The following ANOS1 variants were observed in gnomAD, a reference collection of about 807,000 sequenced individuals.
ANOS1 encodes the protein anosmin-1.
A neutral mutation model predicts 59.0 loss-of-function variants in ANOS1; 6 were observed. That is an observed-to-expected ratio of 0.10 (90% CI 0.06 to 0.20). The LOEUF is 0.20. Ranked by LOEUF, ANOS1 falls within the 10% of genes least tolerant of loss-of-function variation. The pLI is 1.00. For synonymous variants in ANOS1, 217 were observed against 223.4 expected, an observed-to-expected ratio of 0.97 and a Z score of 0.25; for missense variants, 433 against 542.3, an observed-to-expected ratio of 0.80 and a Z score of 2.00.
At chrX:8,586,901 G>C (rs1930521509) in intron 5 of ANOS1, among the ~76,000 whole-genome samples, 1 of 103,022 alleles carries the variant, frequency 9.7e-6, no homozygotes, top group South Asian at 4.4e-4. Flanking sequence ...CTGCTATTTA[G>C]AAGATATTCT....
intron 2 of ANOS1, among the ~76,000 whole-genome samples, chrX:8,691,477 C>T (rs1286550874): frequency 9.0e-6 from 1 of 111,112 alleles, no homozygotes; most frequent in Non-Finnish European, 1.9e-5. Flanking sequence ...AGACAATAGA[C>T]AGATAAATGA....
intron 9 of ANOS1, among the ~76,000 whole-genome samples, chrX:8,552,843 A>G (rs949943132): frequency 9.1e-6 from 1 of 109,621 alleles, no homozygotes; most frequent in African/African-American, 3.3e-5. Context: ...ACTGTAATAT[A>G]GACATAATAT....
Position 8,536,851 on chromosome X carries a change from T to C in ANOS1, c.1541A>G (p.Glu514Gly). ...PIRPKSHSKA[E>G]AVFFTTPPCS... ...TGGTGGAGTAGTGAAGAAAACAGCT[T>C]CTGCCTTGGAGTGACTTTTTGGCCG... The change falls in exon 11 of 14, where the codon GAA becomes GGA. Residue 514 changes from glutamate (E) to glycine (G), a missense_variant. By Grantham distance (98) the Glu-to-Gly change is moderately conservative. Coordinates refer to ENST00000262648, the MANE Select transcript of ANOS1 (RefSeq NM_000216.4). 8.3e-7 allele frequency: 1 copy of C among 1,208,910 alleles called. No individual in the cohort carries two copies. Among genetic ancestry groups the C allele is most frequent in the Non-Finnish European group, 1.1e-6 (1 of 893,121 alleles).
chrX:8,633,333 A>G (rs1469413031), intron 2 of ANOS1, among the ~76,000 whole-genome samples: 1 of 111,572 alleles, frequency 9.0e-6, no homozygotes, highest in Non-Finnish European at 1.9e-5. Flanking sequence ...GTTTCGGGGG[A>G]AGTGTTTAGA....
At chrX:8,681,423 G>A (rs1932424547) in intron 2 of ANOS1, among the ~76,000 whole-genome samples, 1 of 111,995 alleles carries the variant, frequency 8.9e-6, no homozygotes, top group Non-Finnish European at 1.9e-5. Context: ...GAATATTTAC[G>A]TGCTTTCAAG....
At chrX:8,686,715 G>C (rs76059497) in intron 2 of ANOS1, among the ~76,000 whole-genome samples, 1 of 111,854 alleles carries the variant, frequency 8.9e-6, no homozygotes, top group African/African-American at 3.2e-5. Context: ...CGCTTTGGGG[G>C]CCAAGGTGGG....
chrX:8,531,833 C>T lies in ANOS1; in HGVS notation c.*1162G>A, dbSNP rs1046136787. 1 of 111,284 alleles carries T rather than the reference C, an allele frequency of 9.0e-6. No individual in the cohort carries two copies. The highest frequency in any genetic ancestry group is 3.3e-5 in the African/African-American group (1 of 30,646). 9.2% of individuals were successfully genotyped at this position (111,284 alleles called of 1,213,427 possible). A position where few individuals can be genotyped will look rare whatever the true frequency, so the allele number is the denominator to read the frequency against. ...AACAGTATTAAATTAAACTTCTCTG[C>T]GTTTTAGGTTGTTACAATATACACT... On this transcript the variant is annotated 3_prime_UTR_variant, in exon 14 of 14. Coordinates refer to ENST00000262648, the MANE Select transcript of ANOS1 (RefSeq NM_000216.4).
chrX:8,535,864 C>G (rs1018031080), intron 11 of ANOS1, 53 bp from the exon 12 acceptor site: 3 of 990,379 alleles, frequency 3.0e-6, no homozygotes, highest in South Asian at 1.9e-5. Context: ...GAAGGTGTGC[C>G]CAAGGGATCC....
chrX:8,700,788 C>T (rs1010477476), intron 1 of ANOS1, among the ~76,000 whole-genome samples: 2 of 111,712 alleles, frequency 1.8e-5, no homozygotes, highest in Non-Finnish European at 1.9e-5. Context: ...ACGGGTGGAT[C>T]GCCTGAGGTC....
At chrX:8,708,876 G>A (rs1378970109) in intron 1 of ANOS1, among the ~76,000 whole-genome samples, 5 of 111,909 alleles carry the variant, frequency 4.5e-5, no homozygotes, top group African/African-American at 1.6e-4. Context: ...ATGCCCATCA[G>A]TGATAGACTG....
intron 2 of ANOS1, among the ~76,000 whole-genome samples, chrX:8,661,157 C>T (rs1349842603): frequency 9.0e-6 from 1 of 110,917 alleles, no homozygotes; most frequent in African/African-American, 3.3e-5. Context: ...GTGGTCGACC[C>T]TCTGTGTGTG....
intron 2 of ANOS1, among the ~76,000 whole-genome samples, chrX:8,635,737 A>C (rs1406329729): frequency 2.7e-5 from 3 of 112,024 alleles, no homozygotes; most frequent in Non-Finnish European, 5.6e-5. Context: ...CAGACACACA[A>C]TTTTTTAAAA....
At chrX:8,627,848 A>G (rs73199055) in intron 2 of ANOS1, among the ~76,000 whole-genome samples, 12 of 111,407 alleles carry the variant, frequency 1.1e-4, no homozygotes, top group Non-Finnish European at 2.1e-4. Context: ...CAATTTAAAA[A>G]AAAAAAAAGG....
intron 3 of ANOS1, among the ~76,000 whole-genome samples, chrX:8,619,291 T>G (rs976585145): frequency 5.4e-5 from 6 of 110,697 alleles, no homozygotes; most frequent in Non-Finnish European, 1.1e-4. Flanking sequence ...GATACAAACA[T>G]TTAACTTCTT....
intron 3 of ANOS1, among the ~76,000 whole-genome samples, chrX:8,613,884 G>T (rs1346125421): frequency 1.8e-5 from 2 of 112,309 alleles, no homozygotes; most frequent in African/African-American, 6.5e-5. Flanking sequence ...GCTAGGCCTT[G>T]GTTCAGTAGC....
At chrX:8,604,746 T>C (rs1481802343) in intron 3 of ANOS1, among the ~76,000 whole-genome samples, 4 of 112,271 alleles carry the variant, frequency 3.6e-5, no homozygotes, top group Non-Finnish European at 7.5e-5. Context: ...TCCGTCTCTG[T>C]ATGTACAAAA....
At chrX:8,694,184 A>T (rs1395659580) in intron 2 of ANOS1, among the ~76,000 whole-genome samples, 1 of 112,046 alleles carries the variant, frequency 8.9e-6, no homozygotes, top group Non-Finnish European at 1.9e-5. Flanking sequence ...TATCTACTGA[A>T]ATGGGATTAA....
intron 6 of ANOS1, among the ~76,000 whole-genome samples, chrX:8,582,072 A>C (rs113467976): frequency 0.12 from 13,721 of 111,934 alleles, 815 homozygotes; most frequent in African/African-American, 0.22. Context: ...GAAGTAAAAA[A>C]GAAAACACAT....
chrX:8,670,415 T>C (rs1486382509), intron 2 of ANOS1, among the ~76,000 whole-genome samples: 6 of 111,385 alleles, frequency 5.4e-5, no homozygotes, highest in Non-Finnish European at 1.1e-4. Context: ...GGCTCATTCC[T>C]CAGCCTCTGA....
Sources: allele counts gnomAD v4.1 joint callset (sites outside exome capture counted in the v4.1 genomes callset), GRCh38; gene constraint gnomAD v4.1.1; transcripts MANE v1.5; gene names NCBI Gene and HGNC (gene_info 2026-07-23, HGNC 2026-07-21).